Variants in ARHGEF12 observed in about 807,000 individuals in gnomAD.
ARHGEF12 encodes the protein Rho guanine nucleotide exchange factor 12.
A neutral mutation model predicts 211.2 loss-of-function variants in ARHGEF12; 66 were observed. That is an observed-to-expected ratio of 0.31 (90% confidence interval 0.26 to 0.38). The LOEUF (loss-of-function observed/expected upper bound fraction) is 0.38. Among genes scored for constraint, ARHGEF12 ranks in the 10% least tolerant of loss-of-function variants. The pLI is 1.00. For missense variants in ARHGEF12, 1,429 were observed against 1,869.5 expected (o/e 0.76, Z 4.34); for synonymous variants, 592 against 638.4 (o/e 0.93, Z 1.09).
chr11:120,460,763 G>A lies in ARHGEF12; in HGVS notation c.2613+6G>A. The A allele has an allele frequency of 2.5e-6, 4 of 1,608,792 alleles. No homozygotes were observed. The highest frequency in any genetic ancestry group is 2.6e-6 in the Non-Finnish European group (3 of 1,175,844). ...GGGAAGATTTGCTGACATGGGTAAG[G>A]AAATTTTCTGTTTCTTTTTAATATT... On this transcript the variant is annotated splice_donor_region_variant and intron_variant, in intron 27 of 40. Transcript: ENST00000397843.
chr11:120,378,230 C>G (rs980298205), intron 1 of ARHGEF12, among the ~76,000 whole-genome samples: 16 of 152,168 alleles, frequency 1.1e-4, no homozygotes, highest in Admixed American at 1.3e-4. Context: ...TGAATGGCAT[C>G]TCACTCTACT....
chr11:120,447,879 C>G lies in ARHGEF12; in HGVS notation c.1595C>G (p.Thr532Ser). 1 of 1,562,416 alleles carries G rather than the reference C, an allele frequency of 6.4e-7. No homozygotes were observed. The highest frequency in any genetic ancestry group is 8.6e-7 in the Non-Finnish European group (1 of 1,159,234). ...IVAKIEEVLM[T>S]AQAVEEDKSS... ...TTTTTTTTCTTTTTTTTAAGGATGA[C>G]TGCTCAGGCTGTAGAGGAAGATAAG... Residue 532 changes from threonine to serine, a missense_variant, in exon 19 of 41, where the codon ACT (threonine) becomes AGT (serine). By Grantham distance (58) the Thr-to-Ser change is moderately conservative. Around this residue, in one of 7 missense-constraint regions of ARHGEF12, gnomAD observed 373 missense variants for 467.5 expected, o/e 0.80. Transcript: ENST00000397843.
chr11:120,339,716 G>A (rs1406034156), intron 1 of ARHGEF12, among the ~76,000 whole-genome samples: 2 of 152,184 alleles, frequency 1.3e-5, no homozygotes, highest in Non-Finnish European at 2.9e-5. Context: ...CTGTTTTGCA[G>A]TTTGTGGCAG....
At chr11:120,399,536 A>G (rs1944499578) in intron 1 of ARHGEF12, among the ~76,000 whole-genome samples, 1 of 151,898 alleles carries the variant, frequency 6.6e-6, no homozygotes, top group South Asian at 2.1e-4. Context: ...TTTGTACTCA[A>G]CCAATGAATG....
intron 30 of ARHGEF12, 22 bp downstream of exon 30, chr11:120,469,410 G>A (rs762834921): frequency 3.2e-6 from 5 of 1,557,954 alleles, no homozygotes; most frequent in Non-Finnish European, 3.5e-6. Flanking sequence ...AAACAAGAAG[G>A]TACAGGATGA....
In ARHGEF12 at chr11:120,447,096, G is replaced by C; in HGVS notation, c.1589+11G>C. 6.2e-7 allele frequency: 1 copy of C among 1,613,424 alleles called. No homozygotes were observed. Among genetic ancestry groups the C allele is most frequent in the Non-Finnish European group, 8.5e-7 (1 of 1,179,660 alleles). On this transcript the variant is annotated intron_variant, in intron 18 of 40. Transcript: ENST00000397843. ...AATTGAAGAAGTATTGTAAGTAATA[G>C]AAGTATATGTGGAAATGCCCTCTCT...
intron 1 of ARHGEF12, among the ~76,000 whole-genome samples, chr11:120,399,382 T>TTAATTCGAG (rs1396792915): frequency 2.8e-5 from 4 of 143,850 alleles, no homozygotes; most frequent in African/African-American, 1.0e-4. Flanking sequence ...CTATGTCTAG[T>TTAATTCGAG]TAATTCGAGG....
At chr11:120,431,738 T>C (rs1355184915) in intron 10 of ARHGEF12, 33 bp from the exon 11 acceptor site, 1 of 1,540,864 alleles carries the variant, frequency 6.5e-7, no homozygotes, top group East Asian at 2.3e-5. Context: ...TTTATGTGTT[T>C]GTGTGCGCGT....
At chr11:120,413,398 C>T (rs2135612161) in intron 4 of ARHGEF12, among the ~76,000 whole-genome samples, 1 of 152,244 alleles carries the variant, frequency 6.6e-6, no homozygotes, top group African/African-American at 2.4e-5. Flanking sequence ...TCCCATAATG[C>T]TGAACATATT....
At chr11:120,409,884 T>G (rs147556169) in intron 4 of ARHGEF12, 1 of 153,142 alleles carries the variant, frequency 6.5e-6, no homozygotes, top group African/African-American at 2.4e-5. Context: ...TTTAGACGTA[T>G]TAGCAGTTCT....
At chr11:120,415,868 A>C (rs889699598) in intron 4 of ARHGEF12, among the ~76,000 whole-genome samples, 3 of 152,254 alleles carry the variant, frequency 2.0e-5, no homozygotes, top group African/African-American at 7.2e-5. Flanking sequence ...GATTTAAAGT[A>C]CATGTTAAAG....
rs1168999952 is a variant in ARHGEF12, at chr11:120,428,078, A to G, written c.416A>G (p.Tyr139Cys). ...EVVKLIKSGS[Y>C]VALTVQGRPP... ...GTCTCCCCACCCCAAGCTGGTTCCT[A>G]TGTAGCTCTCACTGTTCAGGGACGC... is the stretch of plus-strand genomic sequence containing the variant. The change falls in exon 8 of 41, where the codon TAT becomes TGT. Residue 139 changes from tyrosine (Y) to cysteine (C), a missense_variant. Coordinates refer to ENST00000397843, the MANE Select transcript of ARHGEF12 (RefSeq NM_015313.3). The G allele has an allele frequency of 1.3e-6, 2 of 1,587,286 alleles. No individual in the cohort carries two copies. Among genetic ancestry groups the G allele is most frequent in the Non-Finnish European group, 1.7e-6 (2 of 1,167,708 alleles).
At chr11:120,471,458 G>A (rs1328359204) in intron 30 of ARHGEF12, among the ~76,000 whole-genome samples, 1 of 152,188 alleles carries the variant, frequency 6.6e-6, no homozygotes, top group Non-Finnish European at 1.5e-5. Context: ...GGGATGAGGA[G>A]GTAGAAATTA....
At chr11:120,385,566 A>G (rs1159965676) in intron 1 of ARHGEF12, 1 of 751,218 alleles carries the variant, frequency 1.3e-6, no homozygotes, top group Non-Finnish European at 1.6e-6. Context: ...AGTGAAAGGG[A>G]TGTACCTGTT....
chr11:120,401,307 A>C (rs1010867505), intron 1 of ARHGEF12, among the ~76,000 whole-genome samples: 2 of 152,168 alleles, frequency 1.3e-5, no homozygotes, highest in African/African-American at 2.4e-5. Flanking sequence ...GGTTCTGTGA[A>C]TCTTACTGTC....
intron 1 of ARHGEF12, among the ~76,000 whole-genome samples, chr11:120,374,998 C>A (rs1167018585): frequency 6.6e-6 from 1 of 152,010 alleles, no homozygotes; most frequent in Admixed American, 6.6e-5. Context: ...ACAAAATGAA[C>A]GAGATTGGTA....
At chr11:120,358,473 A>G (rs1943189354) in intron 1 of ARHGEF12, among the ~76,000 whole-genome samples, 1 of 152,112 alleles carries the variant, frequency 6.6e-6, no homozygotes, top group Non-Finnish European at 1.5e-5. Flanking sequence ...GGAGAAGAGA[A>G]CAGACATAGT....
intron 1 of ARHGEF12, among the ~76,000 whole-genome samples, chr11:120,405,110 G>A (rs1944659438): frequency 6.6e-6 from 1 of 152,054 alleles, no homozygotes; most frequent in Non-Finnish European, 1.5e-5. Flanking sequence ...GTATTTTGGA[G>A]GTTTTGTTTC....
At chr11:120,412,131 G>A (rs1454176623) in intron 4 of ARHGEF12, among the ~76,000 whole-genome samples, 1 of 152,080 alleles carries the variant, frequency 6.6e-6, no homozygotes, top group East Asian at 1.9e-4. Flanking sequence ...AACGTGTATG[G>A]ATGCGTTTTC....
Sources: gnomAD v4.1 joint callset for allele counts (sites outside exome capture counted in the v4.1 genomes callset) on GRCh38, gnomAD v4.1.1 for gene constraint, gnomAD v4.1.1 regional missense constraint, MANE v1.5 for transcripts, NCBI Gene and HGNC (gene_info 2026-07-23, HGNC 2026-07-21) for gene names.